Variants in CHRM3 observed in about 807,000 individuals in gnomAD.
CHRM3 encodes muscarinic acetylcholine receptor M3.
A neutral mutation model predicts 41.8 loss-of-function variants in CHRM3; 11 were observed. The observed-to-expected ratio is 0.26, with a 90% CI of 0.17 to 0.44. CHRM3 has a LOEUF of 0.44. Ranked by LOEUF, CHRM3 falls within the 20% of genes least tolerant of loss-of-function variation. CHRM3 has a pLI of 1.00. For synonymous variants in CHRM3, 297 were observed against 301.4 expected (o/e 0.99, Z 0.15); for missense variants, 571 against 745.4 (o/e 0.77, Z 2.72).
chr1:239,593,079 G>A (rs1181532969), intron 3 of CHRM3, among the ~76,000 whole-genome samples: 1 of 152,000 alleles, frequency 6.6e-6, no homozygotes, highest in Non-Finnish European at 1.5e-5. Flanking sequence ...AACTCAAATA[G>A]AAGTATTCCC....
At chr1:239,886,710 G>A (rs1678101149) in intron 6 of CHRM3, 2 of 152,098 alleles carry the variant, frequency 1.3e-5, no homozygotes, top group African/African-American at 4.8e-5. Context: ...TTTTAAGTTA[G>A]CTAAATCTAA....
intron 3 of CHRM3, among the ~76,000 whole-genome samples, chr1:239,631,219 A>AT (rs1255510058): frequency 6.6e-6 from 1 of 152,188 alleles, no homozygotes; most frequent in African/African-American, 2.4e-5. Flanking sequence ...TTAATTACAT[A>AT]TCCAATTGCT....
intron 1 of CHRM3, among the ~76,000 whole-genome samples, chr1:239,392,512 G>A (rs537510948): frequency 6.6e-6 from 1 of 152,296 alleles, no homozygotes; most frequent in East Asian, 1.9e-4. Flanking sequence ...TGGTGCTAAT[G>A]TAGACATCCT....
chr1:239,738,029 ATAAT>A (rs1664535521), intron 5 of CHRM3, among the ~76,000 whole-genome samples: 1 of 152,204 alleles, frequency 6.6e-6, no homozygotes, highest in African/African-American at 2.4e-5. Flanking sequence ...AAAAACTGAA[ATAAT>A]TACTTGTGGA....
At position 239,907,906 on chromosome 1, in the gene CHRM3, G is replaced by A; in HGVS notation, c.455G>A (p.Ser152Asn). The A allele has an allele frequency of 6.2e-7, 1 of 1,614,236 alleles. No homozygotes were observed. The highest frequency in any genetic ancestry group is 8.5e-7 in the Non-Finnish European group (1 of 1,180,046). ...DLWLAIDYVA[S>N]NASVMNLLVI... ...TGGCTTGCCATTGACTACGTAGCCA[G>A]CAATGCCTCTGTTATGAATCTTCTG... is the stretch of plus-strand genomic sequence containing the variant. Residue 152 changes from serine (S) to asparagine (N), a missense_variant, in exon 7 of 7, where the codon AGC becomes AAC. Transcript: ENST00000676153. The surrounding 1 kb of genome is among the most constrained non-coding windows in gnomAD (Gnocchi z 5.4).
At chr1:239,479,229 C>CACAG (rs1016546564) in intron 1 of CHRM3, among the ~76,000 whole-genome samples, 1 of 150,180 alleles carries the variant, frequency 6.7e-6, no homozygotes, top group African/African-American at 2.5e-5. Context: ...CACACACACA[C>CACAG]AGAAAAACAG....
intron 3 of CHRM3, among the ~76,000 whole-genome samples, chr1:239,596,977 C>A (rs944590695): frequency 2.0e-5 from 3 of 152,052 alleles, no homozygotes; most frequent in Non-Finnish European, 2.9e-5. Flanking sequence ...AAAATGAGAA[C>A]CTTTTCACTA....
chr1:239,529,609 C>CAAAA (rs74990447), intron 2 of CHRM3, among the ~76,000 whole-genome samples: 50 of 110,810 alleles, frequency 4.5e-4, no homozygotes, highest in East Asian at 6.0e-4. Flanking sequence ...GACTCCGTCT[C>CAAAA]AAAAAAAAAA....
chr1:239,860,392 G>A (rs529837048), intron 6 of CHRM3, among the ~76,000 whole-genome samples: 7 of 152,180 alleles, frequency 4.6e-5, no homozygotes, highest in African/African-American at 1.7e-4. Flanking sequence ...AAGCATACAT[G>A]CATTTTAAAA....
rs1074473 is a variant in CHRM3, at chr1:239,839,481, A to G, written c.-20+12103A>G. On this transcript the variant is annotated intron_variant, in intron 6 of 6. Coordinates refer to ENST00000676153, the MANE Select transcript of CHRM3 (RefSeq NM_001375978.1). ...GATATAGGTAGGAATAGTAACTTCG[A>G]GTCATACAGTACCAGGCAAGAGAGC... is the stretch of plus-strand genomic sequence containing the variant. Among the ~76,000 whole-genome samples the G allele has an allele frequency of 1.0e-3, 158 of 152,314 alleles. 1 individual carries two copies. In the South Asian group the frequency reaches 0.031, roughly 30 times the overall value.
chr1:239,409,590 A>AT (rs1038870405), intron 1 of CHRM3, among the ~76,000 whole-genome samples: 7 of 152,168 alleles, frequency 4.6e-5, no homozygotes, highest in Admixed American at 4.6e-4. Context: ...TATTTAAAAA[A>AT]TTTTTGGGGC....
chr1:239,732,315 C>A, intron 5 of CHRM3, among the ~76,000 whole-genome samples: 1 of 62,032 alleles, frequency 1.6e-5, no homozygotes, highest in Non-Finnish European at 3.4e-5. Flanking sequence ...ATAAGTATAC[C>A]TAATATCTCA....
chr1:239,474,580 A>T (rs1050924338), intron 1 of CHRM3, among the ~76,000 whole-genome samples: 1 of 152,130 alleles, frequency 6.6e-6, no homozygotes, highest in Admixed American at 6.5e-5. Flanking sequence ...ATACATACTA[A>T]TTGTAGAATG....
chr1:239,664,892 A>G (rs1475691112), intron 4 of CHRM3, among the ~76,000 whole-genome samples: 2 of 151,884 alleles, frequency 1.3e-5, no homozygotes, highest in African/African-American at 4.8e-5. Context: ...GGCTTTGCCA[A>G]ATCTCCCTCT....
intron 6 of CHRM3, among the ~76,000 whole-genome samples, chr1:239,834,148 TCA>T (rs34990180): frequency 0.14 from 18,663 of 135,126 alleles, 1,295 homozygotes; most frequent in African/African-American, 0.2. Context: ...TAATTCCACA[TCA>T]CACACACACA....
intron 1 of CHRM3, among the ~76,000 whole-genome samples, chr1:239,480,543 A>ATTTTTTT (rs745979239): frequency 6.1e-4 from 67 of 110,702 alleles, no homozygotes; most frequent in African/African-American, 7.3e-4. Flanking sequence ...CGATAGCCCA[A>ATTTTTTT]TTTTTTTTTT....
intron 4 of CHRM3, among the ~76,000 whole-genome samples, chr1:239,644,080 A>G (rs796234056): frequency 6.6e-6 from 1 of 152,162 alleles, no homozygotes; most frequent in African/African-American, 2.4e-5. Flanking sequence ...TGATGTTGAA[A>G]CTTCTTGGGG....
intron 2 of CHRM3, among the ~76,000 whole-genome samples, chr1:239,506,434 G>A (rs1668575826): frequency 6.6e-6 from 1 of 152,190 alleles, no homozygotes; most frequent in Non-Finnish European, 1.5e-5. Context: ...GAAGCCCTAA[G>A]TCTTGACAGC....
intron 6 of CHRM3, among the ~76,000 whole-genome samples, chr1:239,880,906 G>GA (rs1677532707): frequency 6.6e-6 from 1 of 152,180 alleles, no homozygotes; most frequent in Non-Finnish European, 1.5e-5. Flanking sequence ...TTTAGAAGAA[G>GA]AAACAGCAGC....
Sources: gnomAD v4.1 joint callset for allele counts (sites outside exome capture counted in the v4.1 genomes callset) on GRCh38, gnomAD v4.1.1 for gene constraint, Gnocchi (gnomAD v3.1) non-coding constraint, MANE v1.5 for transcripts, NCBI Gene and HGNC (gene_info 2026-07-23, HGNC 2026-07-21) for gene names.